EFCAB11: variants seen among roughly 807,000 people sequenced by gnomAD.
EFCAB11 encodes EF-hand calcium-binding domain-containing protein 11.
EFCAB11 carries 14 observed loss-of-function variants against 23.0 expected under a neutral mutation model. The ratio of observed to expected loss-of-function variants is 0.61; its 90% CI spans 0.40 to 0.95. EFCAB11 has a LOEUF of 0.95. Among genes scored for constraint, EFCAB11 ranks in the 40% least tolerant of loss-of-function variants. EFCAB11 has a pLI of 0.00. For synonymous variants in EFCAB11, 65 were observed against 66.6 expected (o/e 0.98, Z 0.11); for missense variants, 198 against 195.8 (o/e 1.01, Z -0.07).
At chr14:89,861,206 A>T (rs996494549) in intron 5 of EFCAB11, among the ~76,000 whole-genome samples, 3 of 152,154 alleles carry the variant, frequency 2.0e-5, no homozygotes, top group Admixed American at 1.3e-4. Context: ...CTTTCTCACC[A>T]TCCATTTATA....
At chr14:89,952,093 G>C (rs1024137363) in intron 2 of EFCAB11, among the ~76,000 whole-genome samples, 1 of 152,064 alleles carries the variant, frequency 6.6e-6, no homozygotes, top group Admixed American at 6.5e-5. Flanking sequence ...AAAATCTGTT[G>C]AATTTCACAG....
intron 2 of EFCAB11, among the ~76,000 whole-genome samples, chr14:89,953,206 AG>A (rs1891245311): frequency 6.6e-6 from 1 of 151,368 alleles, no homozygotes; most frequent in South Asian, 2.1e-4. Context: ...CAATGTTGGC[AG>A]AAAAAAAAAA....
At chr14:89,928,633 C>T (rs1374704521) in intron 5 of EFCAB11, among the ~76,000 whole-genome samples, 2 of 150,000 alleles carry the variant, frequency 1.3e-5, no homozygotes, top group East Asian at 3.9e-4. Context: ...TAGTAAAGTC[C>T]ATCTTTCCTG....
chr14:89,903,775 G>A (rs2140206130), intron 5 of EFCAB11, among the ~76,000 whole-genome samples: 1 of 152,256 alleles, frequency 6.6e-6, no homozygotes, highest in Middle Eastern at 3.4e-3. Context: ...TCACTTCTTA[G>A]AAGTGCAGAA....
intron 5 of EFCAB11, among the ~76,000 whole-genome samples, chr14:89,819,389 G>A (rs544267687): frequency 6.6e-6 from 1 of 152,208 alleles, no homozygotes; most frequent in South Asian, 2.1e-4. Context: ...GAGGGTGGGA[G>A]CAACTGCAAA....
chr14:89,941,163 T>C (rs147704123), intron 3 of EFCAB11, among the ~76,000 whole-genome samples: 2,192 of 152,338 alleles, frequency 0.014, 53 homozygotes, highest in African/African-American at 0.049. Flanking sequence ...GGAGGACTTA[T>C]GCCTCTCTAG....
intron 5 of EFCAB11, among the ~76,000 whole-genome samples, chr14:89,858,256 G>A (rs1887815651): frequency 6.6e-6 from 1 of 152,200 alleles, no homozygotes; most frequent in African/African-American, 2.4e-5. Context: ...CTAACTTGCA[G>A]GCATCTGAGT....
rs1194898144 is a variant in EFCAB11, at chr14:89,797,079, A to G, written c.*164T>C. 1 of 450,902 alleles carries G rather than the reference A, an allele frequency of 2.2e-6. No homozygotes were observed. The highest frequency in any genetic ancestry group is 4.0e-6 in the Non-Finnish European group (1 of 252,518). The allele number at this position is 450,902 out of a possible 1,614,324, so 27.9% of individuals were successfully genotyped here. ...CCAAAATATCTCCCGTAACCCATAT[A>G]TGTGTGTGTATGTATACATATGCAC... is the stretch of plus-strand genomic sequence containing the variant. On this transcript the variant is annotated 3_prime_UTR_variant, in exon 6 of 6. Coordinates refer to ENST00000316738, the MANE Select transcript of EFCAB11 (RefSeq NM_145231.4).
At chr14:89,871,550 T>G (rs1358986598) in intron 5 of EFCAB11, among the ~76,000 whole-genome samples, 1 of 152,128 alleles carries the variant, frequency 6.6e-6, no homozygotes, top group East Asian at 1.9e-4. Flanking sequence ...AACTCCTCCT[T>G]ATAAACAGGA....
intron 5 of EFCAB11, among the ~76,000 whole-genome samples, chr14:89,891,587 TA>T (rs1888965964): frequency 6.6e-6 from 1 of 152,078 alleles, no homozygotes; most frequent in Admixed American, 6.5e-5. Flanking sequence ...GTACCAAATA[TA>T]AAAAGAGGGA....
intron 5 of EFCAB11, among the ~76,000 whole-genome samples, chr14:89,882,639 G>A (rs1479075427): frequency 6.6e-6 from 1 of 152,202 alleles, no homozygotes; most frequent in Non-Finnish European, 1.5e-5. Flanking sequence ...ATTTCCTACA[G>A]AGTGTACCTT....
intron 4 of EFCAB11, 47 bp downstream of exon 4, chr14:89,932,479 C>G (rs1211968374): frequency 6.9e-7 from 1 of 1,457,344 alleles, no homozygotes; most frequent in Non-Finnish European, 9.5e-7. Context: ...ATTTGCAATC[C>G]CTTAAAAGTA....
At chr14:89,802,220 AAAAAG>A (rs1250256211) in intron 5 of EFCAB11, among the ~76,000 whole-genome samples, 1 of 151,730 alleles carries the variant, frequency 6.6e-6, no homozygotes, top group Non-Finnish European at 1.5e-5. Flanking sequence ...AAAAAAAAAA[AAAAAG>A]AAAGAAAAAG....
intron 5 of EFCAB11, among the ~76,000 whole-genome samples, chr14:89,883,242 A>T (rs774692836): frequency 3.3e-5 from 5 of 152,248 alleles, no homozygotes; most frequent in Non-Finnish European, 5.9e-5. Flanking sequence ...ATTCTAGTAC[A>T]TCTTTGAATA....
rs115947550 is a variant in EFCAB11 at position 89,822,690 on chromosome 14, G to C, written c.411-25366C>G. ...GAAAAGAACTTACAGGTACAGATCA[G>C]CTGGATGGCCACAGGACTTCACAGA... On this transcript the variant is annotated intron_variant, in intron 5 of 5. Transcript: ENST00000316738. Among the ~76,000 whole-genome samples, 679 of 152,298 alleles carry C rather than the reference G, an allele frequency of 4.5e-3. 7 individuals are homozygous for C. Among genetic ancestry groups the C allele is most frequent in the African/African-American group, 0.016 (651 of 41,574 alleles).
intron 5 of EFCAB11, among the ~76,000 whole-genome samples, chr14:89,864,304 C>G (rs931636270): frequency 6.6e-6 from 1 of 152,200 alleles, no homozygotes; most frequent in African/African-American, 2.4e-5. Context: ...GTACAGGAAG[C>G]ACAAGTTTCA....
At chr14:89,937,647 T>G (rs1890633068) in intron 3 of EFCAB11, among the ~76,000 whole-genome samples, 1 of 152,132 alleles carries the variant, frequency 6.6e-6, no homozygotes, top group Non-Finnish European at 1.5e-5. Context: ...TGCCTCAGCC[T>G]CCCGAGTAGC....
chr14:89,844,370 C>G (rs74080143), intron 5 of EFCAB11, among the ~76,000 whole-genome samples: 1 of 152,160 alleles, frequency 6.6e-6, no homozygotes, highest in African/African-American at 2.4e-5. Context: ...TGTCTTCATG[C>G]TAAAATTGAA....
intron 5 of EFCAB11, among the ~76,000 whole-genome samples, chr14:89,880,724 T>G (rs528816209): frequency 2.0e-5 from 3 of 152,346 alleles, no homozygotes; most frequent in African/African-American, 7.2e-5. Context: ...GCAGTTAGTG[T>G]AGCTGTTAAG....
Sources: allele counts gnomAD v4.1 joint callset (sites outside exome capture counted in the v4.1 genomes callset), GRCh38; gene constraint gnomAD v4.1.1; transcripts MANE v1.5; gene names NCBI Gene and HGNC (gene_info 2026-07-23, HGNC 2026-07-21).